Variants in ATP8A2 observed in about 807,000 individuals in gnomAD.
ATP8A2 encodes the protein phospholipid-transporting ATPase IB.
Under a neutral mutation model 165.6 loss-of-function variants are expected in ATP8A2, and 100 were observed. The ratio of observed to expected loss-of-function variants is 0.60; its 90% CI spans 0.51 to 0.71. The LOEUF (loss-of-function observed/expected upper bound fraction) is 0.71. Among genes scored for constraint, ATP8A2 ranks in the 30% least tolerant of loss-of-function variants. The pLI, the probability that ATP8A2 is intolerant of heterozygous loss-of-function variation, is 0.00. For missense variants in ATP8A2, 1,227 were observed against 1,479.5 expected (o/e 0.83, Z 2.80); for synonymous variants, 543 against 548.8 (o/e 0.99, Z 0.15).
At chr13:25,828,983 C>G (rs1035895558) in intron 28 of ATP8A2, among the ~76,000 whole-genome samples, 1 of 152,146 alleles carries the variant, frequency 6.6e-6, no homozygotes, top group Non-Finnish European at 1.5e-5. Context: ...AAGCAGCCAT[C>G]ATAAATAAAT....
At chr13:25,562,473 G>A (rs906134936) in intron 15 of ATP8A2, among the ~76,000 whole-genome samples, 1 of 152,164 alleles carries the variant, frequency 6.6e-6, no homozygotes, top group African/African-American at 2.4e-5. Context: ...GGTTGATGAC[G>A]GATTGCCTGC....
In ATP8A2 at chr13:25,937,351, A is replaced by ATTCTTTCTTTCT. The variant is rs200131293; in HGVS notation, c.3184-24221_3184-24210dup. 1.9e-4 allele frequency among the ~76,000 whole-genome samples: 15 copies of ATTCTTTCTTTCT among 77,784 alleles called. 1 individual carries two copies. The highest frequency in any genetic ancestry group is 6.4e-4 in the African/African-American group (15 of 23,382). 51.0% of individuals were successfully genotyped at this position (77,784 alleles called of 152,430 possible). A position where few individuals can be genotyped will look rare whatever the true frequency, so the allele number is the denominator to read the frequency against. ...TTTATTTTTTTTGCTTTGTCTTTCTATTCTTTCTTTCTTTTTTTTTTTTTT... is the reference window on the plus strand; with the variant it reads ...TTTATTTTTTTTGCTTTGTCTTTCTATTCTTTCTTTCTTTCTTTCTTTCTTTTTTTTTTTTTT... On this transcript the variant is annotated intron_variant, in intron 33 of 36. Transcript: ENST00000381655.
intron 2 of ATP8A2, among the ~76,000 whole-genome samples, chr13:25,472,169 G>A (rs2035862480): frequency 6.6e-6 from 1 of 152,194 alleles, no homozygotes; most frequent in Non-Finnish European, 1.5e-5. Flanking sequence ...CAAGGTGGGT[G>A]GATCACTTGA....
chr13:25,743,689 G>A (rs1311940740), intron 25 of ATP8A2, among the ~76,000 whole-genome samples: 1 of 152,336 alleles, frequency 6.6e-6, no homozygotes, highest in East Asian at 1.9e-4. Flanking sequence ...TGTGTCCTGA[G>A]ATGTCCAGCA....
At chr13:25,738,333 GCCCCC>G (rs775044728) in intron 25 of ATP8A2, among the ~76,000 whole-genome samples, 1 of 43,100 alleles carries the variant, frequency 2.3e-5, no homozygotes, top group Non-Finnish European at 4.6e-5. Flanking sequence ...TTCTTTTTGT[GCCCCC>G]CTCCCCCCCC....
Position 25,655,241 on chromosome 13 carries a change from C to A in ATP8A2, c.2212-43932C>A, listed in dbSNP as rs190336032. On this transcript the variant is annotated intron_variant, in intron 24 of 36. Coordinates refer to ENST00000381655, the MANE Select transcript of ATP8A2 (RefSeq NM_016529.6). ...GTGGCACAATGTCAGCTCACTGCAACCTCCGCCTCCTGGGTTCAAGCAATC... is the reference window on the plus strand; with the variant it reads ...GTGGCACAATGTCAGCTCACTGCAAACTCCGCCTCCTGGGTTCAAGCAATC... 2.0e-5 allele frequency among the ~76,000 whole-genome samples: 3 copies of A among 152,270 alleles called. No individual in the cohort carries two copies. The East Asian group carries it at 5.8e-4, about 29-fold the overall frequency.
chr13:25,418,250 A>T (rs1471428801), intron 1 of ATP8A2, among the ~76,000 whole-genome samples: 1 of 152,118 alleles, frequency 6.6e-6, no homozygotes, highest in South Asian at 2.1e-4. Flanking sequence ...TAATGCCCTT[A>T]ACATTTGCAT....
At chr13:25,974,100 C>T (rs539266141) in intron 35 of ATP8A2, among the ~76,000 whole-genome samples, 5 of 152,282 alleles carry the variant, frequency 3.3e-5, no homozygotes, top group African/African-American at 4.8e-5. Flanking sequence ...CGAGTGCAGA[C>T]GGCGGAGACA....
chr13:25,821,234 A>G (rs907293513), intron 27 of ATP8A2, among the ~76,000 whole-genome samples: 13 of 152,210 alleles, frequency 8.5e-5, no homozygotes, highest in Non-Finnish European at 1.8e-4. Flanking sequence ...ACAATGTTAA[A>G]TGAAATGAAG....
intron 8 of ATP8A2, among the ~76,000 whole-genome samples, chr13:25,540,998 A>G (rs966333102): frequency 3.3e-5 from 5 of 151,616 alleles, no homozygotes; most frequent in Admixed American, 2.6e-4. Context: ...AGTAGCTGGG[A>G]CTACAGGTGC....
At chr13:25,579,376 G>A (rs2039705519) in intron 21 of ATP8A2, among the ~76,000 whole-genome samples, 1 of 152,220 alleles carries the variant, frequency 6.6e-6, no homozygotes, top group Non-Finnish European at 1.5e-5. Context: ...CTCTGGCTCT[G>A]CGTGCATGCA....
intron 33 of ATP8A2, among the ~76,000 whole-genome samples, chr13:25,895,476 A>G (rs1167294014): frequency 6.6e-6 from 1 of 152,188 alleles, no homozygotes; most frequent in Non-Finnish European, 1.5e-5. Flanking sequence ...TTCATCAAGG[A>G]TATTGGTCTA....
intron 15 of ATP8A2, among the ~76,000 whole-genome samples, chr13:25,561,671 C>T (rs899040229): frequency 6.6e-6 from 1 of 152,122 alleles, no homozygotes; most frequent in Non-Finnish European, 1.5e-5. Flanking sequence ...TTTAAATGTA[C>T]AATTCAGTTG....
At chr13:25,489,463 CT>C (rs1425832795) in intron 2 of ATP8A2, among the ~76,000 whole-genome samples, 2 of 152,216 alleles carry the variant, frequency 1.3e-5, no homozygotes, top group Non-Finnish European at 2.9e-5. Flanking sequence ...CGCAGCGTTT[CT>C]CAGACTCTTT....
At chr13:25,828,940 T>A (rs1345341181) in intron 28 of ATP8A2, among the ~76,000 whole-genome samples, 2 of 152,174 alleles carry the variant, frequency 1.3e-5, no homozygotes, top group Non-Finnish European at 2.9e-5. Context: ...TTGCCTTCAA[T>A]CCTAACTCTG....
At chr13:25,613,049 T>C (rs2040729206) in intron 24 of ATP8A2, among the ~76,000 whole-genome samples, 1 of 152,218 alleles carries the variant, frequency 6.6e-6, no homozygotes, top group Non-Finnish European at 1.5e-5. Flanking sequence ...AGACAGCAGA[T>C]ACTTGGTTGG....
intron 24 of ATP8A2, among the ~76,000 whole-genome samples, chr13:25,681,062 G>T (rs2042477231): frequency 6.6e-6 from 1 of 152,190 alleles, no homozygotes; most frequent in Non-Finnish European, 1.5e-5. Context: ...AATTCCTTTT[G>T]CAAGGTCCTC....
At chr13:25,663,270 G>A (rs2042087891) in intron 24 of ATP8A2, among the ~76,000 whole-genome samples, 1 of 152,172 alleles carries the variant, frequency 6.6e-6, no homozygotes, top group Non-Finnish European at 1.5e-5. Context: ...ATTCAATGCA[G>A]GAGTGACTTT....
intron 30 of ATP8A2, among the ~76,000 whole-genome samples, chr13:25,843,387 C>G (rs1335856405): frequency 6.6e-6 from 1 of 152,146 alleles, no homozygotes. Flanking sequence ...CTCATGCCCC[C>G]CCCGCCCAAT....
Sources: gnomAD v4.1 joint callset for allele counts (sites outside exome capture counted in the v4.1 genomes callset) on GRCh38, gnomAD v4.1.1 for gene constraint, MANE v1.5 for transcripts, NCBI Gene and HGNC (gene_info 2026-07-23, HGNC 2026-07-21) for gene names.